Variants in SEPTIN3 observed in about 807,000 individuals in gnomAD.
SEPTIN3 encodes septin 3, also known as neuronal-specific septin-3.
Under a neutral mutation model 45.1 loss-of-function variants are expected in SEPTIN3, and 15 were observed. The ratio of observed to expected loss-of-function variants is 0.33; its 90% CI spans 0.22 to 0.51. The LOEUF (loss-of-function observed/expected upper bound fraction) is 0.51, where lower values mean the gene tolerates loss of function less well. Ranked by LOEUF, SEPTIN3 falls within the 20% of genes least tolerant of loss-of-function variation. The pLI is 0.97. For synonymous variants in SEPTIN3, 148 were observed against 164.8 expected, an observed-to-expected ratio of 0.90 and a Z score of 0.78; for missense variants, 289 against 457.2, an observed-to-expected ratio of 0.63 and a Z score of 3.35.
rs748019093 is a variant in SEPTIN3, at chr22:41,981,692, G to T, written c.1552G>T (p.Glu518Ter). 6.2e-7 allele frequency: 1 copy of T among 1,613,936 alleles called. No individual in the cohort carries two copies. The highest frequency in any genetic ancestry group is 8.5e-7 in the Non-Finnish European group (1 of 1,180,018). Residue 518 changes from glutamate to a stop codon, truncating the protein, a stop_gained, in exon 3 of 12, where the codon GAG (glutamate) becomes TAG (stop). Coordinates refer to ENST00000644076, the MANE Select transcript of SEPTIN3 (RefSeq NM_001363845.2). LOFTEE classifies it high-confidence loss of function. ...CGCAGCCATGTCAGAGCTGGTGCCT[G>T]AGCCCAGGCCTAAGCCAGCGGTGCC... ...TDAAMSELVP[E>*]PRPKPAVPMK...
chr22:41,988,645 A>G (rs73165180), intron 6 of SEPTIN3, among the ~76,000 whole-genome samples: 1 of 152,324 alleles, frequency 6.6e-6, no homozygotes, highest in Non-Finnish European at 1.5e-5. Flanking sequence ...AGAATGAACC[A>G]TCAGACAGAC....
chr22:41,994,467 C>A lies in SEPTIN3; in HGVS notation c.2411+126C>A. On this transcript the variant is annotated intron_variant, in intron 10 of 11. Transcript: ENST00000644076. The surrounding 1 kb of genome is among the most constrained non-coding windows in gnomAD (Gnocchi z 4.2). ...ACAGAGCTTTCTGCCCCAGTTCCAG[C>A]TCCTGTTGCAAAATGGAAGGTGCTG... 6.7e-7 allele frequency: 1 copy of A among 1,503,272 alleles called. No homozygotes were observed. The allele number at this position is 1,503,272 out of a possible 1,614,324, so 93.1% of individuals were successfully genotyped here.
chr22:41,994,526 A>G lies in SEPTIN3; in HGVS notation c.2412-95A>G. ...TCCTTAGCTCCTGGGAGTGGTTCCC[A>G]TTCACTGGGTCCAGTCCCTCGAAGT... On this transcript the variant is annotated intron_variant, in intron 10 of 11. Transcript: ENST00000644076. The surrounding 1 kb of genome is among the most constrained non-coding windows in gnomAD (Gnocchi z 4.2). 1.3e-6 allele frequency: 2 copies of G among 1,583,108 alleles called. No individual in the cohort carries two copies. The highest frequency in any genetic ancestry group is 1.7e-6 in the Non-Finnish European group (2 of 1,161,226).
At chr22:41,974,341 C>T (rs775624068) in intron 2 of SEPTIN3, among the ~76,000 whole-genome samples, 68 of 151,986 alleles carry the variant, frequency 4.5e-4, no homozygotes, top group Admixed American at 1.8e-3. Flanking sequence ...GAGGCTAAGG[C>T]GGGTGGATCA....
chr22:41,985,993 G>T lies in SEPTIN3; in HGVS notation c.1706G>T (p.Gly569Val). The change falls in exon 4 of 12, where the codon GGA becomes GTA. Residue 569 changes from glycine (G) to valine (V), a missense_variant. Around this residue, in one of 3 missense-constraint regions of SEPTIN3, gnomAD observed 200 missense variants for 315.1 expected, o/e 0.63. Coordinates refer to ENST00000644076, the MANE Select transcript of SEPTIN3 (RefSeq NM_001363845.2). Reference sequence around the variant, plus strand: ...TCCTGCTTTGCTGTAGGCCAGAGTGGACTGGGCAAATCAACGCTGGTCAAC... The same window carrying T: ...TCCTGCTTTGCTGTAGGCCAGAGTGTACTGGGCAAATCAACGCTGGTCAAC... ...DFNIMVVGQS[G>V]LGKSTLVNTL... is the part of the protein sequence containing the mutation. The T allele has an allele frequency of 6.2e-7, 1 of 1,609,814 alleles. No individual in the cohort carries two copies. The highest frequency in any genetic ancestry group is 1.1e-5 in the South Asian group (1 of 90,288).
rs1002270514 is a variant in SEPTIN3 at position 41,986,645 on chromosome 22, A to G, written c.1825+533A>G. ...CTCCTGAGTAGCTGGGACTACAGGCACCCGCCACCACGCCCGGCTAATTTT... is the reference window on the plus strand; with the variant it reads ...CTCCTGAGTAGCTGGGACTACAGGCGCCCGCCACCACGCCCGGCTAATTTT... On this transcript the variant is annotated intron_variant, in intron 4 of 11. Coordinates refer to ENST00000644076, the MANE Select transcript of SEPTIN3 (RefSeq NM_001363845.2). Among the ~76,000 whole-genome samples, 118 of 151,600 alleles carry G rather than the reference A, an allele frequency of 7.8e-4. 1 individual carries two copies. The highest frequency in any genetic ancestry group is 1.4e-3 in the Non-Finnish European group (93 of 67,812).
intron 3 of SEPTIN3, among the ~76,000 whole-genome samples, chr22:41,982,580 G>A (rs991540051): frequency 6.6e-6 from 1 of 151,292 alleles, no homozygotes; most frequent in Admixed American, 6.6e-5. Context: ...TAGCATCACT[G>A]CGTCACAGAA....
At position 41,997,039 on chromosome 22, in the gene SEPTIN3, G is replaced by T. The variant is rs1184757246; in HGVS notation, c.*72G>T. The T allele has an allele frequency of 6.2e-7, 1 of 1,609,850 alleles. No individual in the cohort carries two copies. Among genetic ancestry groups the T allele is most frequent in the African/African-American group, 1.3e-5 (1 of 74,866 alleles). ...TTGCTGCAGGGCCAAGCCCTTTTTA[G>T]TGCTGTGCTCGTCCAGCTCACCACC... On this transcript the variant is annotated 3_prime_UTR_variant, in exon 12 of 12. Transcript: ENST00000644076.
At chr22:41,980,061 C>T (rs2078096284) in intron 2 of SEPTIN3, among the ~76,000 whole-genome samples, 1 of 149,570 alleles carries the variant, frequency 6.7e-6, no homozygotes, top group Non-Finnish European at 1.5e-5. Context: ...TGTACTGTTT[C>T]ATTTCCCCTA....
At chr22:41,975,171 C>T (rs921231453) in intron 2 of SEPTIN3, among the ~76,000 whole-genome samples, 1 of 152,124 alleles carries the variant, frequency 6.6e-6, no homozygotes, top group Non-Finnish European at 1.5e-5. Flanking sequence ...TAAAATAGGG[C>T]AACACAAGGG....
In SEPTIN3 at chr22:41,994,363, T is replaced by C; in HGVS notation, c.2411+22T>C. The stretch of plus-strand genomic sequence containing the variant: ...TCAGGTAAGATGTCTCCCCTCCAGC[T>C]GTCCAGACAGCAGGTTGAATTATTT... On this transcript the variant is annotated intron_variant, in intron 10 of 11. Coordinates refer to ENST00000644076, the MANE Select transcript of SEPTIN3 (RefSeq NM_001363845.2). This position sits in a 1 kb window ranked among gnomAD's most constrained non-coding sequence, Gnocchi z 4.2. 6.2e-7 allele frequency: 1 copy of C among 1,612,930 alleles called. No homozygotes were observed.
chr22:41,997,401 A>T lies in SEPTIN3; in HGVS notation c.*434A>T, dbSNP rs2078461034. 1 of 163,488 alleles carries T rather than the reference A, an allele frequency of 6.1e-6. No individual in the cohort carries two copies. The highest frequency in any genetic ancestry group is 1.3e-5 in the Non-Finnish European group (1 of 75,120). 10.1% of individuals were successfully genotyped at this position (163,488 alleles called of 1,614,324 possible). A position where few individuals can be genotyped will look rare whatever the true frequency, so the allele number is the denominator to read the frequency against. On this transcript the variant is annotated 3_prime_UTR_variant, in exon 12 of 12. Transcript: ENST00000644076. ...TCTGCTTACTAGATTCATTGAGATC[A>T]GCTGTGTGAGCCCCAAAGTGGGACA...
intron 6 of SEPTIN3, 76 bp downstream of exon 6, chr22:41,987,835 CATACGTTGA>C: frequency 6.7e-7 from 1 of 1,498,752 alleles, no homozygotes; most frequent in East Asian, 2.3e-5. Context: ...TTGGATGATC[CATACGTTGA>C]CTCAGCTAGG....
At chr22:41,978,814 G>A (rs904160790) in intron 2 of SEPTIN3, among the ~76,000 whole-genome samples, 4 of 151,856 alleles carry the variant, frequency 2.6e-5, no homozygotes, top group Non-Finnish European at 5.9e-5. Flanking sequence ...CAGAAAATGT[G>A]CAGTGGGCAC....
intron 2 of SEPTIN3, chr22:41,981,368 A>G: frequency 2.5e-6 from 1 of 406,304 alleles, no homozygotes; most frequent in Non-Finnish European, 4.4e-6. Context: ...TGGGCTTCAG[A>G]GCAGTGAGGT....
At chr22:41,988,769 G>T (rs1020307630) in intron 6 of SEPTIN3, among the ~76,000 whole-genome samples, 1 of 152,074 alleles carries the variant, frequency 6.6e-6, no homozygotes, top group Non-Finnish European at 1.5e-5. Flanking sequence ...CTCCAGTTTG[G>T]CCCTGCAGGA....
chr22:41,978,893 TGGAGGAGGA>T (rs71184852), intron 2 of SEPTIN3, among the ~76,000 whole-genome samples: 51 of 120,394 alleles, frequency 4.2e-4, no homozygotes, highest in African/African-American at 1.2e-3. Flanking sequence ...GGCTGAATGC[TGGAGGAGGA>T]GGAGGAGGAG....
At chr22:41,985,601 G>A (rs1175001314) in intron 3 of SEPTIN3, 5 of 184,980 alleles carry the variant, frequency 2.7e-5, no homozygotes, top group Non-Finnish European at 5.7e-5. Flanking sequence ...GCACTGTGAG[G>A]CAGTATCAGG....
At chr22:41,996,553 A>C in intron 11 of SEPTIN3, 1 of 1,051,868 alleles carries the variant, frequency 9.5e-7, no homozygotes, top group Non-Finnish European at 1.1e-6. Context: ...ACCCCAACCT[A>C]TGCTCTCGGT....
Sources: allele counts gnomAD v4.1 joint callset (sites outside exome capture counted in the v4.1 genomes callset), GRCh38; gene constraint gnomAD v4.1.1; regional missense constraint gnomAD v4.1.1; non-coding constraint Gnocchi (gnomAD v3.1); transcripts MANE v1.5; gene names NCBI Gene and HGNC (gene_info 2026-07-23, HGNC 2026-07-21).